Variants in YTHDC1 observed in about 807,000 individuals in gnomAD.
YTHDC1 encodes YTH domain-containing protein 1.
YTHDC1 carries 12 observed loss-of-function variants against 107.0 expected under a neutral mutation model. The ratio of observed to expected loss-of-function variants is 0.11; its 90% CI spans 0.07 to 0.18. The LOEUF is 0.18. Ranked by LOEUF, YTHDC1 falls within the 10% of genes least tolerant of loss-of-function variation. The probability of loss-of-function intolerance (pLI) is 1.00; values close to 1 mark genes in which losing one functional copy is unlikely to be tolerated. For synonymous variants in YTHDC1, 280 were observed against 289.5 expected (o/e 0.97, Z 0.33); for missense variants, 635 against 898.8 (o/e 0.71, Z 3.75).
At chr4:68,321,975 T>TA (rs1236491186) in intron 11 of YTHDC1, among the ~76,000 whole-genome samples, 1 of 152,194 alleles carries the variant, frequency 6.6e-6, no homozygotes, top group East Asian at 1.9e-4. Context: ...TAGTGATCAA[T>TA]AACCATGGCG....
intron 5 of YTHDC1, 106 bp from the exon 6 acceptor site, chr4:68,332,953 T>C: frequency 1.0e-6 from 1 of 953,796 alleles, no homozygotes; most frequent in Non-Finnish European, 1.6e-6. Context: ...AAATTATTCT[T>C]CCTGGCGCAC....
intron 1 of YTHDC1, among the ~76,000 whole-genome samples, chr4:68,349,316 A>G (rs7666993): frequency 0.51 from 77,493 of 151,946 alleles, 19,981 homozygotes; most frequent in South Asian, 0.62. Context: ...TTACCACACC[A>G]CCAGTGTTGA....
Position 68,337,766 on chromosome 4 carries a change from C to T in YTHDC1, c.265G>A (p.Gly89Arg). Residue 89 changes from glycine to arginine, a missense_variant, in exon 3 of 17, where the codon GGA becomes AGA. This residue lies in a region of YTHDC1 where 294 missense variants were observed against 312.3 expected (regional missense o/e 0.94). Coordinates refer to ENST00000344157, the MANE Select transcript of YTHDC1 (RefSeq NM_001031732.4). ...SNNKRIVSTK[G>R]KSATEYKNEE... ...TTTTTATACTCTGTGGCTGACTTTC[C>T]TTTTGTACTAACTATTCTTTTGTTA... 4 of 1,614,092 alleles carry T rather than the reference C, an allele frequency of 2.5e-6. No homozygotes were observed. Among genetic ancestry groups the T allele is most frequent in the Non-Finnish European group, 3.4e-6 (4 of 1,180,018 alleles).
chr4:68,342,727 C>T (rs907436030), intron 1 of YTHDC1, among the ~76,000 whole-genome samples: 2 of 152,114 alleles, frequency 1.3e-5, no homozygotes, highest in Non-Finnish European at 2.9e-5. Flanking sequence ...ACTTTGCATA[C>T]ATTTTAATTC....
chr4:68,346,078 C>CATATATATATATATATATAT (rs34633749), intron 1 of YTHDC1, among the ~76,000 whole-genome samples: 323 of 132,584 alleles, frequency 2.4e-3, no homozygotes, highest in African/African-American at 8.5e-3. Context: ...TGTGTGTGTA[C>CATATATATATATATATATAT]ATATATATAT....
Position 68,346,098 on chromosome 4 carries a change from T to TAC in YTHDC1, c.28+3627_28+3628insGT, listed in dbSNP as rs71218948. On this transcript the variant is annotated intron_variant, in intron 1 of 16. Transcript: ENST00000344157. The stretch of plus-strand genomic sequence containing the variant: ...GTGTACATATATATATATATATATA[T>TAC]ATACACACACACCTGCATGTAACCG... 3.9e-3 allele frequency among the ~76,000 whole-genome samples: 557 copies of TAC among 141,524 alleles called. 7 individuals carry two copies. Among genetic ancestry groups the TAC allele is most frequent in the African/African-American group, 0.014 (529 of 37,434 alleles). 92.8% of individuals were successfully genotyped at this position (141,524 alleles called of 152,430 possible).
chr4:68,337,710 C>T lies in YTHDC1; in HGVS notation c.321G>A (p.Lys107=). 6.2e-7 allele frequency: 1 copy of T among 1,614,096 alleles called. No individual in the cohort carries two copies. The highest frequency in any genetic ancestry group is 8.5e-7 in the Non-Finnish European group (1 of 1,180,014). Residue 107 remains lysine, a synonymous_variant, in exon 3 of 17, where the codon AAG becomes AAA. Coordinates refer to ENST00000344157, the MANE Select transcript of YTHDC1 (RefSeq NM_001031732.4). ...NEEYQRSERN[K]RLDADRKIRL... is the part of the protein sequence containing the mutation. ...GAATTTTCCGATCAGCATCTAGACG[C>T]TTGTTTCTTTCAGATCTTTGATATT...
rs775413315 is a variant in YTHDC1, at chr4:68,314,235, C to T, written c.2048G>A (p.Arg683Gln). 8 of 1,613,846 alleles carry T rather than the reference C, an allele frequency of 5.0e-6. No individual in the cohort carries two copies. The highest frequency in any genetic ancestry group is 6.8e-6 in the Non-Finnish European group (8 of 1,179,942). The change falls in exon 17 of 17, where the codon CGG becomes CAG. Residue 683 changes from arginine to glutamine, a missense_variant. Arg to Gln is a conservative substitution (Grantham distance 43, BLOSUM62 1). Transcript: ENST00000344157. ...TCTAGGGCGGTCTCGCTCTCGTTCC[C>T]GGTCTCTTTCACGGGGTCTACTTCT... is the stretch of plus-strand genomic sequence containing the variant. The part of the protein sequence containing the change: ...GRRSRPRERD[R>Q]ERERDRPRDN...
At position 68,311,840 on chromosome 4, in the gene YTHDC1, G is replaced by A. The variant is rs1317619493; in HGVS notation, c.*2259C>T. 6.6e-6 allele frequency: 1 copy of A among 152,232 alleles called. No homozygotes were observed. 9.4% of individuals were successfully genotyped at this position (152,232 alleles called of 1,614,324 possible). ...GAAAAATCCTCTGCTTAAGCCTGAA[G>A]GAAATGTTAATGTTTAAAAATCTCA... is the stretch of plus-strand genomic sequence containing the variant. On this transcript the variant is annotated 3_prime_UTR_variant, in exon 17 of 17. Coordinates refer to ENST00000344157, the MANE Select transcript of YTHDC1 (RefSeq NM_001031732.4).
intron 1 of YTHDC1, among the ~76,000 whole-genome samples, chr4:68,349,458 A>T (rs1186272688): frequency 1.3e-5 from 2 of 152,210 alleles, no homozygotes; most frequent in Non-Finnish European, 2.9e-5. Flanking sequence ...CTCTCAGCCC[A>T]AGACAGCTAA....
At chr4:68,318,385 G>T in intron 15 of YTHDC1, 134 bp downstream of exon 15, 1 of 843,724 alleles carries the variant, frequency 1.2e-6, no homozygotes, top group Non-Finnish European at 1.8e-6. Context: ...TGGGACTGCA[G>T]GTGTGAGCCA....
Position 68,333,372 on chromosome 4 carries a change from TCTC to T in YTHDC1, c.906_908del (p.Arg303del), listed in dbSNP as rs753624687. On this transcript the variant is annotated inframe_deletion, in exon 5 of 17. Transcript: ENST00000344157. ...AAACAATTGGAGATATGCCTCTAGC[TCTC>T]TTCCTTTCCTTCTTTTTCTCATCTA... 1 of 1,611,216 alleles carries T rather than the reference TCTC, an allele frequency of 6.2e-7. No individual in the cohort carries two copies. Among genetic ancestry groups the T allele is most frequent in the Admixed American group, 1.7e-5 (1 of 59,594 alleles).
At chr4:68,318,484 A>T in intron 15 of YTHDC1, 35 bp downstream of exon 15, 1 of 1,553,332 alleles carries the variant, frequency 6.4e-7, no homozygotes, top group Non-Finnish European at 8.7e-7. Context: ...CTGCAAATTA[A>T]GTTATGTAAC....
intron 12 of YTHDC1, among the ~76,000 whole-genome samples, chr4:68,319,889 T>G (rs1722260024): frequency 6.6e-6 from 1 of 152,040 alleles, no homozygotes; most frequent in African/African-American, 2.4e-5. Context: ...AAATTAGCAA[T>G]TTCAGGTAAT....
At chr4:68,326,913 G>A (rs1001408285) in intron 9 of YTHDC1, among the ~76,000 whole-genome samples, 2 of 151,450 alleles carry the variant, frequency 1.3e-5, no homozygotes, top group Non-Finnish European at 2.9e-5. Flanking sequence ...TTATATGCTG[G>A]ACAGTGGTTT....
intron 5 of YTHDC1, 112 bp from the exon 6 acceptor site, chr4:68,332,959 C>A (rs555719200): frequency 6.9e-6 from 6 of 873,858 alleles, no homozygotes; most frequent in African/African-American, 3.4e-5. Context: ...TTCTTCCTGG[C>A]GCACCCACAC....
In YTHDC1 at chr4:68,322,477, T is replaced by C. The variant is rs528664665; in HGVS notation, c.1601+272A>G. ...GCCTACCTCATTTCAATTGTATACA[T>C]TGTATTATCAGAGTATTATCTAATC... is the stretch of plus-strand genomic sequence containing the variant. On this transcript the variant is annotated intron_variant, in intron 11 of 16. Transcript: ENST00000344157. This position sits in a 1 kb window ranked among gnomAD's most constrained non-coding sequence, Gnocchi z 4.8. 23 of 384,338 alleles carry C rather than the reference T, an allele frequency of 6.0e-5. No homozygotes were observed. The South Asian group carries it at 1.4e-3, about 24-fold the overall frequency. The allele number at this position is 384,338 out of a possible 1,614,324, so 23.8% of individuals were successfully genotyped here.
intron 15 of YTHDC1, 70 bp downstream of exon 15, chr4:68,318,449 C>T (rs756894807): frequency 1.7e-4 from 243 of 1,415,786 alleles, no homozygotes; most frequent in Non-Finnish European, 2.2e-4. Flanking sequence ...AATCATATTC[C>T]GAGTAAGCAC....
chr4:68,344,538 T>C (rs1208624025), intron 1 of YTHDC1, among the ~76,000 whole-genome samples: 1 of 152,196 alleles, frequency 6.6e-6, no homozygotes, highest in African/African-American at 2.4e-5. Flanking sequence ...AGATTTTTAT[T>C]TGGAATTGCA....
Sources: allele counts gnomAD v4.1 joint callset (sites outside exome capture counted in the v4.1 genomes callset), GRCh38; gene constraint gnomAD v4.1.1; regional missense constraint gnomAD v4.1.1; non-coding constraint Gnocchi (gnomAD v3.1); transcripts MANE v1.5; gene names NCBI Gene and HGNC (gene_info 2026-07-23, HGNC 2026-07-21).